The following CCN4 variants were observed in gnomAD, a reference collection of about 807,000 sequenced individuals.
The protein encoded by CCN4 is CCN family member 4.
In CCN4, 30 loss-of-function variants were observed where a neutral mutation model predicts 36.7. The ratio of observed to expected loss-of-function variants is 0.82; its 90% CI spans 0.61 to 1.11. CCN4 has a LOEUF of 1.11. CCN4 is among the 50% of genes least tolerant of loss of function. The probability of loss-of-function intolerance (pLI) is 0.00; values close to 1 mark genes in which losing one functional copy is unlikely to be tolerated. For synonymous variants in CCN4, 191 were observed against 195.4 expected, an observed-to-expected ratio of 0.98 and a Z score of 0.19; for missense variants, 505 against 504.9, an observed-to-expected ratio of 1.00 and a Z score of 0.00.
intron 2 of CCN4, among the ~76,000 whole-genome samples, chr8:133,213,621 C>G (rs139620009): frequency 0.013 from 1,996 of 151,252 alleles, 47 homozygotes; most frequent in African/African-American, 0.046. Context: ...CAGCTACCTA[C>G]ATTTCTCAGT....
chr8:133,198,493 C>G (rs1208548529), intron 1 of CCN4, among the ~76,000 whole-genome samples: 1 of 152,204 alleles, frequency 6.6e-6, no homozygotes, highest in African/African-American at 2.4e-5. Context: ...CCAGTCTCTT[C>G]CTTTGGTTCT....
chr8:133,205,754 C>T (rs1588187766), intron 1 of CCN4, among the ~76,000 whole-genome samples: 1 of 152,244 alleles, frequency 6.6e-6, no homozygotes, highest in South Asian at 2.1e-4. Context: ...AGCCCCAGCC[C>T]CCAGAAGGAA....
chr8:133,194,304 GTGGT>G (rs1346762673), intron 1 of CCN4, among the ~76,000 whole-genome samples: 4 of 135,876 alleles, frequency 2.9e-5, no homozygotes, highest in East Asian at 2.2e-4. Flanking sequence ...GTGTGTGTGT[GTGGT>G]GTGTGTGTGT....
intron 1 of CCN4, among the ~76,000 whole-genome samples, chr8:133,195,325 T>C (rs557351923): frequency 7.1e-4 from 108 of 151,980 alleles, no homozygotes; most frequent in African/African-American, 2.4e-3. Context: ...GTGTGGTGTG[T>C]GTGTGTGTGA....
chr8:133,200,696 T>C (rs1285894242), intron 1 of CCN4, among the ~76,000 whole-genome samples: 1 of 152,170 alleles, frequency 6.6e-6, no homozygotes, highest in East Asian at 1.9e-4. Flanking sequence ...ATCTGTCAAA[T>C]TGGGGCCATC....
rs1458789447 is a variant in CCN4 at position 133,227,752 on chromosome 8, G to C, written c.*42G>C. 1 of 1,584,076 alleles carries C rather than the reference G, an allele frequency of 6.3e-7. No homozygotes were observed. The highest frequency in any genetic ancestry group is 1.7e-5 in the Admixed American group (1 of 57,998). On this transcript the variant is annotated 3_prime_UTR_variant, in exon 5 of 5. Coordinates refer to ENST00000250160, the MANE Select transcript of CCN4 (RefSeq NM_003882.4). ...GGTCTTGGGGACTAACCCAATGCCTGTGAAGCAGTCAGCCCTTATGGCCAA... is the reference window on the plus strand; with the variant it reads ...GGTCTTGGGGACTAACCCAATGCCTCTGAAGCAGTCAGCCCTTATGGCCAA...
chr8:133,217,318 T>G (rs927732026), intron 2 of CCN4, among the ~76,000 whole-genome samples: 3 of 152,210 alleles, frequency 2.0e-5, no homozygotes, highest in Admixed American at 2.0e-4. Context: ...GCTGACAGCG[T>G]GAGCTGACAG....
At chr8:133,221,962 A>G (rs1421178847) in intron 3 of CCN4, among the ~76,000 whole-genome samples, 3 of 151,692 alleles carry the variant, frequency 2.0e-5, no homozygotes, top group Admixed American at 2.0e-4. Context: ...AAATAAGTAG[A>G]CGAGGGGACA....
At position 133,220,745 on chromosome 8, in the gene CCN4, C is replaced by T. The variant is rs201917230; in HGVS notation, c.514C>T (p.Arg172Cys). 37 of 1,613,512 alleles carry T rather than the reference C, an allele frequency of 2.3e-5. No homozygotes were observed. Among genetic ancestry groups the T allele is most frequent in the African/African-American group, 5.3e-5 (4 of 75,046 alleles). ...PPRLWCPHPR[R>C]VSIPGHCCEQ... ...GCGTCTCTGGTGCCCCCACCCGCGG[C>T]GCGTGAGCATACCTGGCCACTGCTG... The change falls in exon 3 of 5, where the codon CGC becomes TGC. Residue 172 changes from arginine to cysteine, a missense_variant. Arg to Cys is a radical substitution (Grantham distance 180). Coordinates refer to ENST00000250160, the MANE Select transcript of CCN4 (RefSeq NM_003882.4).
chr8:133,224,213 T>C (rs2977545), intron 3 of CCN4, among the ~76,000 whole-genome samples: 135,403 of 135,450 alleles, frequency 1, 67,678 homozygotes, highest in Middle Eastern at 1. Context: ...TGATTTGAAT[T>C]TGAAGCCCGT....
At chr8:133,221,486 GGATA>G (rs1854525196) in intron 3 of CCN4, among the ~76,000 whole-genome samples, 1 of 151,810 alleles carries the variant, frequency 6.6e-6, no homozygotes, top group African/African-American at 2.4e-5. Context: ...AGAGATGGAT[GGATA>G]AATAGATGAA....
chr8:133,194,291 C>T (rs1330762260), intron 1 of CCN4, among the ~76,000 whole-genome samples: 1 of 75,228 alleles, frequency 1.3e-5, no homozygotes, highest in Non-Finnish European at 2.5e-5. Context: ...TGGGGTGTGT[C>T]TGGTGTGTGT....
At chr8:133,217,169 T>C (rs556634864) in intron 2 of CCN4, among the ~76,000 whole-genome samples, 1 of 152,404 alleles carries the variant, frequency 6.6e-6, no homozygotes, top group South Asian at 2.1e-4. Context: ...AAGTGCCTGC[T>C]ACATGGCAGG....
At chr8:133,209,816 C>T (rs755920900) in intron 1 of CCN4, among the ~76,000 whole-genome samples, 5 of 152,186 alleles carry the variant, frequency 3.3e-5, no homozygotes, top group Non-Finnish European at 5.9e-5. Context: ...TGTGCCAGGC[C>T]CTACCTAGTG....
intron 1 of CCN4, 78 bp from the exon 2 acceptor site, chr8:133,212,786 G>T (rs1347281235): frequency 2.7e-6 from 3 of 1,120,528 alleles, no homozygotes; most frequent in Non-Finnish European, 3.8e-6. Context: ...ATGAGGACAG[G>T]AATGCAATGG....
In CCN4 at chr8:133,212,839, C is replaced by G. The variant is rs970970763; in HGVS notation, c.70-25C>G. On this transcript the variant is annotated intron_variant, in intron 1 of 4. Transcript: ENST00000250160. ...TGAAACCCCTGTCTCAGCAGCCCCC[C>G]TTTCCCTCTGCCCTCCCCCCGCAGG... 6 of 1,521,570 alleles carry G rather than the reference C, an allele frequency of 3.9e-6. No individual in the cohort carries two copies. In the African/African-American group the frequency reaches 8.2e-5, roughly 21 times the overall value. 94.3% of individuals were successfully genotyped at this position (1,521,570 alleles called of 1,614,324 possible).
At chr8:133,211,265 A>AGTT (rs1441647839) in intron 1 of CCN4, among the ~76,000 whole-genome samples, 3 of 152,174 alleles carry the variant, frequency 2.0e-5, no homozygotes, top group African/African-American at 7.2e-5. Context: ...AAATCCCTCG[A>AGTT]GTTGTAGTAA....
At chr8:133,200,021 G>C (rs1853530227) in intron 1 of CCN4, among the ~76,000 whole-genome samples, 2 of 152,206 alleles carry the variant, frequency 1.3e-5, no homozygotes, top group South Asian at 4.1e-4. Flanking sequence ...CAAGCAGGCT[G>C]CCTAGACCAG....
At position 133,228,790 on chromosome 8, in the gene CCN4, G is replaced by A. The variant is rs1854843074; in HGVS notation, c.*1080G>A. The A allele has an allele frequency of 6.6e-6, 1 of 152,180 alleles. No individual in the cohort carries two copies. The highest frequency in any genetic ancestry group is 1.5e-5 in the Non-Finnish European group (1 of 68,048). 9.4% of individuals were successfully genotyped at this position (152,180 alleles called of 1,614,324 possible). A position where few individuals can be genotyped will look rare whatever the true frequency, so the allele number is the denominator to read the frequency against. On this transcript the variant is annotated 3_prime_UTR_variant, in exon 5 of 5. Transcript: ENST00000250160. ...TAGAGCTGGAGGCTGTGGGACTCCA[G>A]GGGCCCCCGTGTTCAGGACACATCT...
Sources: gnomAD v4.1 joint callset for allele counts (sites outside exome capture counted in the v4.1 genomes callset) on GRCh38, gnomAD v4.1.1 for gene constraint, MANE v1.5 for transcripts, NCBI Gene and HGNC (gene_info 2026-07-23, HGNC 2026-07-21) for gene names.